The following HMCN1 variants were observed in gnomAD, a reference collection of about 807,000 sequenced individuals.
HMCN1 encodes hemicentin-1.
Under a neutral mutation model 625.9 loss-of-function variants are expected in HMCN1, and 321 were observed. That is an observed-to-expected ratio of 0.51 (90% confidence interval 0.47 to 0.56). The LOEUF is 0.56. Ranked by LOEUF, HMCN1 falls within the 20% of genes least tolerant of loss-of-function variation. The probability of loss-of-function intolerance (pLI) is 0.00; values close to 1 mark genes in which losing one functional copy is unlikely to be tolerated. For synonymous variants in HMCN1, 2,425 were observed against 2,417.6 expected (o/e 1.00, Z -0.09); for missense variants, 6,588 against 6,887.3 (o/e 0.96, Z 1.54).
At chr1:186,162,662 G>A (rs1251421670) in intron 97 of HMCN1, among the ~76,000 whole-genome samples, 1 of 152,190 alleles carries the variant, frequency 6.6e-6, no homozygotes, top group Non-Finnish European at 1.5e-5. Context: ...GTCTGTTGGA[G>A]TTTGCTAGAG....
intron 1 of HMCN1, among the ~76,000 whole-genome samples, chr1:185,793,457 C>A (rs1020605524): frequency 6.6e-6 from 1 of 152,144 alleles, no homozygotes; most frequent in Admixed American, 6.5e-5. Flanking sequence ...TTGGTCCCAT[C>A]TGAATAATCC....
intron 78 of HMCN1, 130 bp downstream of exon 78, chr1:186,119,428 C>A: frequency 2.5e-6 from 2 of 784,318 alleles, no homozygotes; most frequent in Admixed American, 2.0e-5. Context: ...ATATGAAAGC[C>A]TGGTAGATAC....
At chr1:186,062,878 T>C (rs1184686586) in intron 48 of HMCN1, among the ~76,000 whole-genome samples, 2 of 151,570 alleles carry the variant, frequency 1.3e-5, no homozygotes, top group East Asian at 3.9e-4. Context: ...TGTCCATTTG[T>C]ACACATTACT....
At chr1:185,930,935 C>A (rs1037806836) in intron 10 of HMCN1, among the ~76,000 whole-genome samples, 1 of 151,792 alleles carries the variant, frequency 6.6e-6, no homozygotes, top group Non-Finnish European at 1.5e-5. Flanking sequence ...CACACACACA[C>A]ACACACACAG....
At chr1:186,002,266 G>A (rs941450911) in intron 28 of HMCN1, among the ~76,000 whole-genome samples, 4 of 151,902 alleles carry the variant, frequency 2.6e-5, no homozygotes, top group Non-Finnish European at 5.9e-5. Flanking sequence ...ACATTTTAAT[G>A]GTAATCATAA....
intron 1 of HMCN1, among the ~76,000 whole-genome samples, chr1:185,737,167 T>G (rs1653642301): frequency 6.6e-6 from 1 of 151,880 alleles, no homozygotes. Context: ...TTATTTTTTT[T>G]TTTTTGAAAC....
intron 1 of HMCN1, among the ~76,000 whole-genome samples, chr1:185,787,831 C>A (rs1343299717): frequency 6.6e-6 from 1 of 151,942 alleles, no homozygotes; most frequent in Non-Finnish European, 1.5e-5. Context: ...TTTATTTTTA[C>A]CATATTACAG....
intron 1 of HMCN1, among the ~76,000 whole-genome samples, chr1:185,830,413 G>A (rs1472318510): frequency 6.6e-6 from 1 of 152,076 alleles, no homozygotes; most frequent in Non-Finnish European, 1.5e-5. Flanking sequence ...TCCATCTTGA[G>A]TTAATTTTTG....
At chr1:186,039,410 G>C (rs1656058707) in intron 38 of HMCN1, among the ~76,000 whole-genome samples, 2 of 148,016 alleles carry the variant, frequency 1.4e-5, no homozygotes, top group Admixed American at 6.8e-5. Flanking sequence ...GTGTTCATGT[G>C]CACACACACA....
Position 185,923,607 on chromosome 1 carries a change from C to A in HMCN1, c.1239C>A (p.Tyr413Ter). The change falls in exon 8 of 107, where the codon TAC becomes TAA. Residue 413 changes from tyrosine (Y) to a stop codon, truncating the protein, a stop_gained. Coordinates refer to ENST00000271588, the MANE Select transcript of HMCN1 (RefSeq NM_031935.3). LOFTEE classifies it high-confidence loss of function. ...LKVTGYDKDD[Y>*]LFQRVSSVSF... is the part of the protein sequence containing the mutation. ...TAACAGGCTATGATAAAGATGATTACCTCTTCCAGAGAGTATCAAGTGTTT... is the reference window on the plus strand; with the variant it reads ...TAACAGGCTATGATAAAGATGATTAACTCTTCCAGAGAGTATCAAGTGTTT... 2 of 1,608,354 alleles carry A rather than the reference C, an allele frequency of 1.2e-6. No homozygotes were observed. Among genetic ancestry groups the A allele is most frequent in the Non-Finnish European group, 1.7e-6 (2 of 1,177,360 alleles).
chr1:185,934,167 C>G (rs576878316), intron 11 of HMCN1, among the ~76,000 whole-genome samples: 3 of 151,968 alleles, frequency 2.0e-5, no homozygotes, highest in African/African-American at 7.2e-5. Flanking sequence ...AATAATTGGT[C>G]AAAAAACAAT....
At chr1:185,898,830 C>A (rs185569390) in intron 4 of HMCN1, among the ~76,000 whole-genome samples, 172 of 151,710 alleles carry the variant, frequency 1.1e-3, no homozygotes, top group African/African-American at 3.4e-3. Context: ...GTGTCTACAG[C>A]TACTGAAAAG....
intron 25 of HMCN1, among the ~76,000 whole-genome samples, chr1:185,999,227 A>G (rs1038233869): frequency 1.3e-5 from 2 of 151,918 alleles, no homozygotes; most frequent in Non-Finnish European, 2.9e-5. Context: ...TGTAATTTTT[A>G]TTTAATGTTT....
intron 1 of HMCN1, among the ~76,000 whole-genome samples, chr1:185,781,945 G>A (rs549382638): frequency 1.3e-5 from 2 of 152,268 alleles, no homozygotes; most frequent in African/African-American, 4.8e-5. Flanking sequence ...TGACAGTGGG[G>A]TGTTAAAGTC....
chr1:186,059,194 C>T (rs6425014), intron 46 of HMCN1, among the ~76,000 whole-genome samples: 93,344 of 151,816 alleles, frequency 0.61, 29,776 homozygotes, highest in African/African-American at 0.79. Flanking sequence ...ATGATGTTTT[C>T]ACTTTGACAG....
rs1464771613 is a variant in HMCN1, at chr1:185,986,718, C to T, written c.2936-714C>T. ...TTTAAATGTAAAAGACTTGGCTGGG[C>T]GTGGTGGCTTATGCCTGTAATCCCA... On this transcript the variant is annotated intron_variant, in intron 19 of 106. Transcript: ENST00000271588. Among the ~76,000 whole-genome samples the T allele has an allele frequency of 4.0e-5, 6 of 150,554 alleles. No homozygotes were observed. The East Asian group carries it at 5.9e-4, about 15-fold the overall frequency.
chr1:186,168,258 A>AG (rs1308502741), intron 100 of HMCN1, among the ~76,000 whole-genome samples: 1 of 151,254 alleles, frequency 6.6e-6, no homozygotes, highest in Non-Finnish European at 1.5e-5. Flanking sequence ...AGGAAGAGGA[A>AG]GAAAAAAAAA....
chr1:185,801,729 G>A (rs1195635376), intron 1 of HMCN1, among the ~76,000 whole-genome samples: 1 of 152,176 alleles, frequency 6.6e-6, no homozygotes, highest in African/African-American at 2.4e-5. Flanking sequence ...GGAACGGACA[G>A]AGAGGAAAGG....
chr1:186,145,390 T>C lies in HMCN1; in HGVS notation c.14267-13T>C. 1.3e-6 allele frequency: 2 copies of C among 1,544,890 alleles called. No individual in the cohort carries two copies. The highest frequency in any genetic ancestry group is 2.5e-5 in the South Asian group (2 of 79,248). On this transcript the variant is annotated splice_polypyrimidine_tract_variant and intron_variant, in intron 91 of 106. Transcript: ENST00000271588. ...GGGGCTCTGTTTTCATCTCAGATTATTCTGTCTTGTAGCCCATGGTAACTG... is the reference window on the plus strand; with the variant it reads ...GGGGCTCTGTTTTCATCTCAGATTACTCTGTCTTGTAGCCCATGGTAACTG...
Sources: allele counts gnomAD v4.1 joint callset (sites outside exome capture counted in the v4.1 genomes callset), GRCh38; gene constraint gnomAD v4.1.1; transcripts MANE v1.5; gene names NCBI Gene and HGNC (gene_info 2026-07-23, HGNC 2026-07-21).